DHX57: variants seen among roughly 807,000 people sequenced by gnomAD.
DHX57 encodes putative ATP-dependent RNA helicase DHX57.
In DHX57, 105 loss-of-function variants were observed where a neutral mutation model predicts 156.2. That is an observed-to-expected ratio of 0.67 (90% confidence interval 0.57 to 0.79). The LOEUF is 0.79. DHX57 is among the 30% of genes least tolerant of loss of function. The pLI, the probability that DHX57 is intolerant of heterozygous loss-of-function variation, is 0.00. For missense variants in DHX57, 1,847 were observed against 1,661.9 expected (o/e 1.11, Z -1.94); for synonymous variants, 704 against 595.6 (o/e 1.18, Z -2.65).
intron 19 of DHX57, chr2:38,816,218 A>ATT (rs368002198): frequency 6.5e-4 from 284 of 439,564 alleles, no homozygotes; most frequent in African/African-American, 3.6e-3. Context: ...GTGATTCAAT[A>ATT]TTTTTTTTTT....
intron 9 of DHX57, among the ~76,000 whole-genome samples, chr2:38,851,157 G>T (rs868171670): frequency 4.0e-5 from 6 of 151,880 alleles, no homozygotes; most frequent in African/African-American, 1.2e-4. Context: ...AATCCCAATA[G>T]TGTTTGTGGA....
At chr2:38,815,772 T>C in intron 19 of DHX57, 117 bp from the exon 20 acceptor site, 1 of 1,259,204 alleles carries the variant, frequency 7.9e-7, no homozygotes, top group African/African-American at 1.5e-5. Flanking sequence ...GAGGCTCAAG[T>C]GGATTCATTC....
intron 13 of DHX57, 87 bp from the exon 14 acceptor site, chr2:38,828,523 A>T (rs1671223485): frequency 1.2e-6 from 1 of 838,518 alleles, no homozygotes; most frequent in African/African-American, 1.8e-5. Context: ...AATATGATAA[A>T]TGAAGTAAAT....
chr2:38,867,699 C>T (rs1188137534), intron 2 of DHX57, among the ~76,000 whole-genome samples: 2 of 152,152 alleles, frequency 1.3e-5, no homozygotes, highest in Non-Finnish European at 2.9e-5. Context: ...CCTGGGATTA[C>T]AGGTGACTGC....
At chr2:38,813,783 AC>A (rs1426523249) in intron 21 of DHX57, 37 bp downstream of exon 21, 2 of 1,609,448 alleles carry the variant, frequency 1.2e-6, no homozygotes. Context: ...TACAAATCAA[AC>A]AAAAAATGGA....
rs1530853 is a variant in DHX57 at position 38,798,413 on chromosome 2, G to C, written c.4047C>G (p.Cys1349Trp). ...TATCCTGGAGAAGCTGATCAAGTTC[G>C]CAACGAAGCTCCTTTACCAGTTCAG... is the stretch of plus-strand genomic sequence containing the variant. Reference protein sequence around the residue: ...QVAELVKELRCELDQLLQDKI... With the variant: ...QVAELVKELRWELDQLLQDKI... The change falls in exon 24 of 24, where the codon TGC becomes TGG. Residue 1349 changes from cysteine (C) to tryptophan (W), a missense_variant. Transcript: ENST00000457308. 1 of 1,613,450 alleles carries C rather than the reference G, an allele frequency of 6.2e-7. No homozygotes were observed. Among genetic ancestry groups the C allele is most frequent in the South Asian group, 1.1e-5 (1 of 91,010 alleles).
chr2:38,815,785 C>G, intron 19 of DHX57, 130 bp from the exon 20 acceptor site: 2 of 1,137,626 alleles, frequency 1.8e-6, no homozygotes, highest in Non-Finnish European at 2.5e-6. Flanking sequence ...ATTCATTCCT[C>G]AGGTATGAAG....
intron 21 of DHX57, chr2:38,810,293 G>T: frequency 3.6e-6 from 1 of 275,244 alleles, no homozygotes. Flanking sequence ...GGGGACCAGG[G>T]AACAAAGCTG....
chr2:38,817,983 G>T (rs1301190088), intron 19 of DHX57, among the ~76,000 whole-genome samples: 1 of 152,050 alleles, frequency 6.6e-6, no homozygotes, highest in South Asian at 2.1e-4. Flanking sequence ...GAGCCACCAA[G>T]CCCGGCTAAA....
chr2:38,815,207 C>T (rs1444259336), intron 20 of DHX57, among the ~76,000 whole-genome samples: 2 of 151,988 alleles, frequency 1.3e-5, no homozygotes, highest in Non-Finnish European at 2.9e-5. Context: ...GCTGGGAAGA[C>T]AGGTGGTACA....
At chr2:38,812,286 A>G (rs1234481425) in intron 21 of DHX57, among the ~76,000 whole-genome samples, 1 of 152,206 alleles carries the variant, frequency 6.6e-6, no homozygotes, top group Non-Finnish European at 1.5e-5. Context: ...GTACATTTCA[A>G]ATGGTTTGAA....
chr2:38,813,784 C>G, intron 21 of DHX57, 37 bp downstream of exon 21: 2 of 1,609,508 alleles, frequency 1.2e-6, no homozygotes, highest in Non-Finnish European at 1.7e-6. Context: ...ACAAATCAAA[C>G]AAAAAATGGA....
chr2:38,873,512 C>T (rs1343053783), intron 1 of DHX57, among the ~76,000 whole-genome samples: 1 of 152,206 alleles, frequency 6.6e-6, no homozygotes, highest in Non-Finnish European at 1.5e-5. Context: ...TCCCAGAAAG[C>T]TCTTTGAAAA....
At chr2:38,805,762 G>A (rs1041296316) in intron 22 of DHX57, among the ~76,000 whole-genome samples, 1 of 151,848 alleles carries the variant, frequency 6.6e-6, no homozygotes, top group Non-Finnish European at 1.5e-5. Context: ...TTTTATGTTT[G>A]AGATGACTAA....
intron 17 of DHX57, among the ~76,000 whole-genome samples, chr2:38,822,442 C>G (rs1670871571): frequency 6.6e-6 from 1 of 151,848 alleles, no homozygotes; most frequent in South Asian, 2.1e-4. Context: ...TGTCGCCAGG[C>G]TGGAATGTGG....
intron 9 of DHX57, 52 bp from the exon 10 acceptor site, chr2:38,848,454 A>T: frequency 6.5e-7 from 1 of 1,538,892 alleles, no homozygotes; most frequent in Non-Finnish European, 8.7e-7. Flanking sequence ...AACACATGAA[A>T]ATTAGTAACT....
chr2:38,838,290 G>A (rs1671792675), intron 12 of DHX57, among the ~76,000 whole-genome samples: 1 of 152,046 alleles, frequency 6.6e-6, no homozygotes, highest in African/African-American at 2.4e-5. Flanking sequence ...TTGTAGACAT[G>A]GGGTCTTGCT....
Position 38,861,652 on chromosome 2 carries a change from A to C in DHX57, c.758T>G (p.Phe253Cys), listed in dbSNP as rs760522882. ...TTCTCCACAGATGGACTTGAGAGCA[A>C]ATGCCTCTTCCTGTCGCTGTTCCAT... ...ECMEQRQEEA[F>C]ALKSICGEKF... The change falls in exon 5 of 24, where the codon TTT (phenylalanine) becomes TGT (cysteine). Residue 253 changes from phenylalanine (F) to cysteine (C), a missense_variant. Transcript: ENST00000457308. 6.2e-7 allele frequency: 1 copy of C among 1,614,144 alleles called. No homozygotes were observed. Among genetic ancestry groups the C allele is most frequent in the Non-Finnish European group, 8.5e-7 (1 of 1,180,022 alleles).
chr2:38,798,325 T>A lies in DHX57; in HGVS notation c.4135A>T (p.Ile1379Phe), dbSNP rs140503653. Residue 1379 changes from isoleucine (I) to phenylalanine (F), a missense_variant, in exon 24 of 24, where the codon ATT becomes TTT. Physicochemically the swap from Ile to Phe is conservative, Grantham distance 21. Transcript: ENST00000457308. Reference sequence around the variant, plus strand: ...TATTGTGTGGTGACAAGTTTCACAATTGTGCTGATGATCCGGGATCCTCGA... The same window carrying A: ...TATTGTGTGGTGACAAGTTTCACAAATGTGCTGATGATCCGGGATCCTCGA... The part of the protein sequence containing the change: ...CPRGSRIIST[I>F]VKLVTTQ 14 of 1,613,418 alleles carry A rather than the reference T, an allele frequency of 8.7e-6. No individual in the cohort carries two copies. The highest frequency in any genetic ancestry group is 1.0e-5 in the Non-Finnish European group (12 of 1,179,870).
Sources: allele counts gnomAD v4.1 joint callset (sites outside exome capture counted in the v4.1 genomes callset), GRCh38; gene constraint gnomAD v4.1.1; transcripts MANE v1.5; gene names NCBI Gene and HGNC (gene_info 2026-07-23, HGNC 2026-07-21).